Variants in CD163L1 observed in about 807,000 individuals in gnomAD.
The protein encoded by CD163L1 is CD163 molecule like 1.
CD163L1 carries 124 observed loss-of-function variants against 165.4 expected under a neutral mutation model. The observed-to-expected ratio is 0.75, with a 90% CI of 0.65 to 0.87. CD163L1 has a LOEUF of 0.87. CD163L1 is among the 40% of genes least tolerant of loss of function. CD163L1 has a pLI of 0.00. For missense variants in CD163L1, 1,525 were observed against 1,799.9 expected (o/e 0.85, Z 2.76); for synonymous variants, 585 against 662.2 (o/e 0.88, Z 1.79).
At chr12:7,384,396 T>C (rs1228134674) in intron 8 of CD163L1, among the ~76,000 whole-genome samples, 1 of 152,040 alleles carries the variant, frequency 6.6e-6, no homozygotes, top group African/African-American at 2.4e-5. Flanking sequence ...GCTGAAACTT[T>C]CCAGGTTTTA....
Position 7,367,279 on chromosome 12 carries a change from C to T in CD163L1, c.4236G>A (p.Glu1412=). 1.9e-6 allele frequency: 3 copies of T among 1,613,574 alleles called. No individual in the cohort carries two copies. The highest frequency in any genetic ancestry group is 1.7e-6 in the Non-Finnish European group (2 of 1,179,620). The change falls in exon 18 of 20, where the codon GAG becomes GAA. Residue 1412 remains glutamate (E), a synonymous_variant. Coordinates refer to ENST00000313599, the MANE Select transcript of CD163L1 (RefSeq NM_174941.6). Reference sequence around the variant, plus strand: ...GTGGGTCCTCTCTCTTGAGGCAGGTCTCCATCTCATGGAATAAATTCTCCT... The same window carrying T: ...GTGGGTCCTCTCTCTTGAGGCAGGTTTCCATCTCATGGAATAAATTCTCCT... ...SLEENLFHEM[E]TCLKREDPHG... is the part of the protein sequence containing the mutation.
At chr12:7,393,256 G>A (rs771216028) in intron 8 of CD163L1, among the ~76,000 whole-genome samples, 3 of 152,172 alleles carry the variant, frequency 2.0e-5, no homozygotes, top group Non-Finnish European at 2.9e-5. Flanking sequence ...TGGGATGCCA[G>A]GCTGGTTCAA....
At chr12:7,334,523 C>T in the CD163L1 span, among the ~76,000 whole-genome samples, 1 of 152,168 alleles carries the variant, frequency 6.6e-6, no homozygotes, top group Non-Finnish European at 1.5e-5. Flanking sequence ...GACAAACCCA[C>T]AGTCAATATC....
chr12:7,417,953 T>TA (rs1948278722), intron 4 of CD163L1, among the ~76,000 whole-genome samples: 1 of 152,074 alleles, frequency 6.6e-6, no homozygotes, highest in African/African-American at 2.4e-5. Context: ...ATAACTGCTT[T>TA]AAATGTAAAT....
Position 7,398,103 on chromosome 12 carries a change from GGAA to G in CD163L1, c.1729+158_1729+160del, listed in dbSNP as rs1268254231. 2.0e-5 allele frequency among the ~76,000 whole-genome samples: 3 copies of G among 152,176 alleles called. No individual in the cohort carries two copies. The highest frequency in any genetic ancestry group is 6.5e-5 in the Admixed American group (1 of 15,274). Reference sequence around the variant, plus strand: ...AATTTCTTACTTTACCTGTATAAGTGGAAGAGTTCCAGGTGAAGTGAACTGAAG... The same window carrying G: ...AATTTCTTACTTTACCTGTATAAGTGGAGTTCCAGGTGAAGTGAACTGAAG... On this transcript the variant is annotated intron_variant, in intron 7 of 19. Coordinates refer to ENST00000313599, the MANE Select transcript of CD163L1 (RefSeq NM_174941.6). This position sits in a 1 kb window ranked among gnomAD's most constrained non-coding sequence, Gnocchi z 4.5.
In CD163L1 at chr12:7,420,242, A is replaced by G. The variant is rs766093070; in HGVS notation, c.766+12174T>C. Among the ~76,000 whole-genome samples the G allele has an allele frequency of 2.6e-5, 4 of 152,272 alleles. No individual in the cohort carries two copies. The East Asian group carries it at 7.7e-4, about 29-fold the overall frequency. On this transcript the variant is annotated intron_variant, in intron 4 of 19. Coordinates refer to ENST00000313599, the MANE Select transcript of CD163L1 (RefSeq NM_174941.6). ...CAAAGACTTAAATCTAAGACCCGAA[A>G]CCGTAAAAATTCTAAAAGATAACAT...
chr12:7,427,326 A>G (rs930114538), intron 4 of CD163L1, among the ~76,000 whole-genome samples: 10 of 152,242 alleles, frequency 6.6e-5, no homozygotes, highest in South Asian at 2.1e-4. Context: ...TGCCCAGTAG[A>G]TTCTGAAAAC....
intron 8 of CD163L1, among the ~76,000 whole-genome samples, chr12:7,389,857 C>T (rs908302883): frequency 6.7e-6 from 1 of 149,836 alleles, no homozygotes; most frequent in South Asian, 2.1e-4. Flanking sequence ...ATAAATGTAC[C>T]CCCTTGTTTG....
chr12:7,389,416 G>A (rs779300066), intron 8 of CD163L1, among the ~76,000 whole-genome samples: 1 of 152,202 alleles, frequency 6.6e-6, no homozygotes, highest in East Asian at 1.9e-4. Context: ...GGTACAGGAA[G>A]GCAAACATCG....
At chr12:7,421,464 C>CAT (rs371156224) in intron 4 of CD163L1, among the ~76,000 whole-genome samples, 818 of 75,462 alleles carry the variant, frequency 0.011, 83 homozygotes, top group African/African-American at 0.051. Context: ...TACATATATA[C>CAT]ATATATATAC....
chr12:7,349,211 A>C (rs899819950), intron 4 of CD163L1, among the ~76,000 whole-genome samples: 1 of 152,210 alleles, frequency 6.6e-6, no homozygotes, highest in African/African-American at 2.4e-5. Context: ...AATGACATTT[A>C]CTAAACCCTT....
chr12:7,321,933 G>A, the CD163L1 span, among the ~76,000 whole-genome samples: 1 of 152,212 alleles, frequency 6.6e-6, no homozygotes, highest in African/African-American at 2.4e-5. Flanking sequence ...CTGGTACAGA[G>A]TTTCATGAGT....
In CD163L1 at chr12:7,433,388, C is replaced by T; in HGVS notation, c.431G>A (p.Gly144Asp). ...SHNCYHGEDV[G>D]VNCYGEANLG... is the part of the protein sequence containing the mutation. Reference sequence around the variant, plus strand: ...TAGACTCTTACCATAACAGTTCACACCAACATCTTCTCCATGATAACAGTT... The same window carrying T: ...TAGACTCTTACCATAACAGTTCACATCAACATCTTCTCCATGATAACAGTT... The change falls in exon 3 of 20, where the codon GGT (glycine) becomes GAT (aspartate). Residue 144 changes from glycine (G) to aspartate (D), a missense_variant. Gly to Asp is a moderately conservative substitution (Grantham distance 94, BLOSUM62 -1). Coordinates refer to ENST00000313599, the MANE Select transcript of CD163L1 (RefSeq NM_174941.6). 1 of 1,592,588 alleles carries T rather than the reference C, an allele frequency of 6.3e-7. No individual in the cohort carries two copies. Among genetic ancestry groups the T allele is most frequent in the Non-Finnish European group, 8.6e-7 (1 of 1,169,124 alleles).
rs372747437 is a variant in CD163L1, at chr12:7,374,263, C to A, written c.3409+179G>T. 3.8e-4 allele frequency among the ~76,000 whole-genome samples: 58 copies of A among 152,240 alleles called. No homozygotes were observed. Among genetic ancestry groups the A allele is most frequent in the Non-Finnish European group, 7.8e-4 (53 of 68,022 alleles). The stretch of plus-strand genomic sequence containing the variant: ...TTCTCAGTTATGAATGATACCCAGA[C>A]AAATGTAATATGACAAGGGTATTAA... On this transcript the variant is annotated intron_variant, in intron 13 of 19. Coordinates refer to ENST00000313599, the MANE Select transcript of CD163L1 (RefSeq NM_174941.6). The surrounding 1 kb of genome is among the most constrained non-coding windows in gnomAD (Gnocchi z 5.4).
At chr12:7,341,873 G>A (rs1032401726), downstream of CD163L1, among the ~76,000 whole-genome samples, 13 of 152,078 alleles carry the variant, frequency 8.5e-5, no homozygotes, top group Admixed American at 2.0e-4. Flanking sequence ...CCTTATTATC[G>A]ATGTTTATAT....
intron 8 of CD163L1, among the ~76,000 whole-genome samples, chr12:7,392,844 A>G (rs1332956833): frequency 6.6e-6 from 1 of 152,188 alleles, no homozygotes; most frequent in Non-Finnish European, 1.5e-5. Flanking sequence ...ATTCCTGGAC[A>G]CATACACCCT....
downstream of CD163L1, among the ~76,000 whole-genome samples, chr12:7,351,899 G>A (rs1946708885): frequency 1.3e-5 from 2 of 152,060 alleles, no homozygotes; most frequent in African/African-American, 4.8e-5. Context: ...CCAAATATGA[G>A]ATGGCTTATG....
chr12:7,422,035 G>C (rs995749680), intron 4 of CD163L1, among the ~76,000 whole-genome samples: 45 of 152,086 alleles, frequency 3.0e-4, no homozygotes, highest in African/African-American at 1.1e-3. Flanking sequence ...ACCTCATGCA[G>C]GAGAGCTCTG....
At chr12:7,421,589 ATATACATATATG>A (rs1210053915) in intron 4 of CD163L1, among the ~76,000 whole-genome samples, 4 of 13,256 alleles carry the variant, frequency 3.0e-4, no homozygotes, top group African/African-American at 5.3e-4. Context: ...ACATATATAC[ATATACATATATG>A]TACACATATA....
Sources: allele counts gnomAD v4.1 joint callset (sites outside exome capture counted in the v4.1 genomes callset), GRCh38; gene constraint gnomAD v4.1.1; non-coding constraint Gnocchi (gnomAD v3.1); transcripts MANE v1.5; gene names NCBI Gene and HGNC (gene_info 2026-07-23, HGNC 2026-07-21).